The following SLC11A2 variants were observed in gnomAD, a reference collection of about 807,000 sequenced individuals.
SLC11A2 encodes the protein natural resistance-associated macrophage protein 2.
Under a neutral mutation model 68.0 loss-of-function variants are expected in SLC11A2, and 38 were observed. The observed-to-expected ratio is 0.56, with a 90% CI of 0.43 to 0.73. The LOEUF is 0.73. Among genes scored for constraint, SLC11A2 ranks in the 30% least tolerant of loss-of-function variants. The pLI, the probability that SLC11A2 is intolerant of heterozygous loss-of-function variation, is 0.00. For synonymous variants in SLC11A2, 242 were observed against 250.6 expected, an observed-to-expected ratio of 0.97 and a Z score of 0.32; for missense variants, 517 against 690.5, an observed-to-expected ratio of 0.75 and a Z score of 2.82.
intron 1 of SLC11A2, among the ~76,000 whole-genome samples, chr12:51,023,658 G>A (rs1944190240): frequency 6.6e-6 from 1 of 152,080 alleles, no homozygotes; most frequent in African/African-American, 2.4e-5. Context: ...CTTTAAAGGT[G>A]TCATTCCCAT....
chr12:50,981,782 G>C, downstream of SLC11A2: 1 of 1,532,968 alleles, frequency 6.5e-7, no homozygotes, highest in Non-Finnish European at 8.7e-7. Context: ...AGTTCAGGCT[G>C]AGCTGTCAAT....
At chr12:50,953,137 A>T in the SLC11A2 span, among the ~76,000 whole-genome samples, 1 of 152,098 alleles carries the variant, frequency 6.6e-6, no homozygotes, top group African/African-American at 2.4e-5. Flanking sequence ...GGGCTTTCCC[A>T]TTATCAATTA....
At chr12:51,028,324 T>C, upstream of SLC11A2, 7 of 832,990 alleles carry the variant, frequency 8.4e-6, no homozygotes, top group Non-Finnish European at 3.8e-6. Context: ...TTTTGGGTGC[T>C]CTAAGCAACA....
upstream of SLC11A2, chr12:51,026,457 G>C: frequency 1.2e-6 from 1 of 824,816 alleles, no homozygotes; most frequent in Non-Finnish European, 1.7e-6. Flanking sequence ...TGGAGTCCCT[G>C]CAGCGGCCGG....
the SLC11A2 span, among the ~76,000 whole-genome samples, chr12:50,959,913 G>T: frequency 2.6e-5 from 4 of 152,140 alleles, no homozygotes; most frequent in Non-Finnish European, 5.9e-5. Context: ...ACCTCCCAAA[G>T]TGCTGGGATT....
the SLC11A2 span, among the ~76,000 whole-genome samples, chr12:50,968,113 G>GGAGGAGGAGGAGGAGAAT: frequency 6.6e-6 from 1 of 151,920 alleles, no homozygotes; most frequent in Admixed American, 6.6e-5. Flanking sequence ...AGGAGGAGGA[G>GGAGGAGGAGGAGGAGAAT]GAGGAGGAGG....
intron 1 of SLC11A2, among the ~76,000 whole-genome samples, chr12:51,022,016 G>A (rs1368752653): frequency 1.3e-5 from 2 of 152,120 alleles, no homozygotes; most frequent in East Asian, 3.8e-4. Context: ...CAGCACTCTT[G>A]AGGCTTAACC....
chr12:50,988,628 A>T (rs934697791), intron 15 of SLC11A2, among the ~76,000 whole-genome samples, 193 bp from the exon 16 acceptor site: 1 of 151,984 alleles, frequency 6.6e-6, no homozygotes, highest in Non-Finnish European at 1.5e-5. Flanking sequence ...TTCCTCAACA[A>T]AGTTTGTCCA....
chr12:51,028,084 A>T, upstream of SLC11A2: 2 of 743,392 alleles, frequency 2.7e-6, no homozygotes, highest in Non-Finnish European at 4.1e-6. Flanking sequence ...TTCCTTTGGC[A>T]ACTTCTATTA....
chr12:50,983,028 A>AT (rs540469827), downstream of SLC11A2, among the ~76,000 whole-genome samples: 1 of 150,210 alleles, frequency 6.7e-6, no homozygotes, highest in Non-Finnish European at 1.5e-5. Flanking sequence ...TGAAGTTGTT[A>AT]TTTTTTTTGT....
chr12:51,019,081 C>T (rs1039847090), intron 1 of SLC11A2, among the ~76,000 whole-genome samples: 3 of 152,094 alleles, frequency 2.0e-5, no homozygotes, highest in Non-Finnish European at 4.4e-5. Flanking sequence ...AGCAAGAATG[C>T]GTTCAAGCTA....
At chr12:51,026,107 C>T in intron 1 of SLC11A2, 1 of 1,099,258 alleles carries the variant, frequency 9.1e-7, no homozygotes, top group South Asian at 2.1e-5. Context: ...TTGGGTCTTT[C>T]TCTGAATGGC....
At chr12:51,008,264 GGACA>G (rs142753086) in intron 3 of SLC11A2, 13 of 358,838 alleles carry the variant, frequency 3.6e-5, no homozygotes, top group African/African-American at 2.0e-4. Flanking sequence ...ATAGATAGAC[GGACA>G]GACAGACAGA....
chr12:51,013,885 GATCTTGGCTCACTGCA>G (rs960229727), intron 1 of SLC11A2, among the ~76,000 whole-genome samples: 4 of 151,854 alleles, frequency 2.6e-5, no homozygotes, highest in Admixed American at 2.6e-4. Context: ...GTAGTGGTGC[GATCTTGGCTCACTGCA>G]ACCTCCGCCT....
chr12:50,996,703 T>C (rs749241779), intron 9 of SLC11A2, 114 bp downstream of exon 9: 2 of 1,056,608 alleles, frequency 1.9e-6, no homozygotes, highest in Non-Finnish European at 2.9e-6. Flanking sequence ...GCTTGGAAAA[T>C]ACCTTGCTCC....
intron 1 of SLC11A2, among the ~76,000 whole-genome samples, chr12:51,017,983 C>T (rs1943777198): frequency 6.6e-6 from 1 of 152,138 alleles, no homozygotes; most frequent in Admixed American, 6.6e-5. Flanking sequence ...TAAGTTACCC[C>T]CCAAAACACA....
At position 50,990,875 on chromosome 12, in the gene SLC11A2, C is replaced by A. The variant is rs756888979; in HGVS notation, c.1495G>T (p.Val499Phe). The change falls in exon 15 of 16, where the codon GTC becomes TTC. Residue 499 changes from valine (V) to phenylalanine (F), a missense_variant. Transcript: ENST00000262052. ...AATGCCACATGCCCTAGGTCCCGGA[C>A]ATAAACCACTACAAAGTACATATTG... ...SINMYFVVVY[V>F]RDLGHVALYV... 2 of 1,613,926 alleles carry A rather than the reference C, an allele frequency of 1.2e-6. No individual in the cohort carries two copies. The highest frequency in any genetic ancestry group is 1.7e-6 in the Non-Finnish European group (2 of 1,179,956).
chr12:51,026,403 C>A, upstream of SLC11A2: 1 of 1,260,634 alleles, frequency 7.9e-7, no homozygotes, highest in Non-Finnish European at 1.0e-6. Context: ...CCCTCCCCTC[C>A]CCGCGATTGG....
the SLC11A2 span, among the ~76,000 whole-genome samples, chr12:50,958,850 C>T: frequency 6.6e-6 from 1 of 151,338 alleles, no homozygotes; most frequent in African/African-American, 2.4e-5. Context: ...GACATCATCT[C>T]TACTAAAAAT....
Sources: gnomAD v4.1 joint callset for allele counts (sites outside exome capture counted in the v4.1 genomes callset) on GRCh38, gnomAD v4.1.1 for gene constraint, MANE v1.5 for transcripts, NCBI Gene and HGNC (gene_info 2026-07-23, HGNC 2026-07-21) for gene names.